Variants in H2BC5 observed in about 807,000 individuals in gnomAD.
H2BC5 encodes H2B clustered histone 5.
H2BC5 carries 9 observed loss-of-function variants against 5.7 expected under a neutral mutation model. The ratio of observed to expected loss-of-function variants is 1.57; its 90% CI spans 0.95 to 2.74. H2BC5 has a LOEUF of 2.74. H2BC5 is among the 30% of genes most tolerant of loss of function. The pLI, the probability that H2BC5 is intolerant of heterozygous loss-of-function variation, is 0.00. For synonymous variants in H2BC5, 133 were observed against 70.9 expected (o/e 1.88, Z -4.40); for missense variants, 175 against 168.8 (o/e 1.04, Z -0.20).
chr6:26,169,735 C>T (rs1764489922), intron 1 of H2BC5, among the ~76,000 whole-genome samples: 3 of 151,766 alleles, frequency 2.0e-5, no homozygotes, highest in Admixed American at 2.0e-4. Flanking sequence ...CTGAGGCAGG[C>T]AGATCATGAG....
intron 1 of H2BC5, among the ~76,000 whole-genome samples, chr6:26,166,412 T>A (rs1217547037): frequency 6.6e-6 from 1 of 152,172 alleles, no homozygotes; most frequent in Non-Finnish European, 1.5e-5. Flanking sequence ...GACCCCCTCC[T>A]CCTTCCCTTT....
Sources: gnomAD v4.1 joint callset for allele counts (sites outside exome capture counted in the v4.1 genomes callset) on GRCh38, gnomAD v4.1.1 for gene constraint, MANE v1.5 for transcripts, NCBI Gene and HGNC (gene_info 2026-07-23, HGNC 2026-07-21) for gene names.